Variants in DENND5B observed in about 807,000 individuals in gnomAD.
DENND5B encodes DENN domain-containing protein 5B.
In DENND5B, 34 loss-of-function variants were observed where a neutral mutation model predicts 140.6. The observed-to-expected ratio is 0.24, with a 90% CI of 0.18 to 0.32. The LOEUF (loss-of-function observed/expected upper bound fraction) is 0.32, where lower values mean the gene tolerates loss of function less well. Among genes scored for constraint, DENND5B ranks in the 10% least tolerant of loss-of-function variants. The pLI, the probability that DENND5B is intolerant of heterozygous loss-of-function variation, is 1.00. For missense variants in DENND5B, 1,142 were observed against 1,560.2 expected, an observed-to-expected ratio of 0.73 and a Z score of 4.52; for synonymous variants, 551 against 562.1, an observed-to-expected ratio of 0.98 and a Z score of 0.28.
chr12:31,526,030 G>C (rs1948072308), intron 1 of DENND5B, among the ~76,000 whole-genome samples: 1 of 152,090 alleles, frequency 6.6e-6, no homozygotes, highest in Non-Finnish European at 1.5e-5. Flanking sequence ...AATACTTTAA[G>C]GGCAAGTTTA....
At chr12:31,451,831 CAAT>C in intron 5 of DENND5B, 106 bp downstream of exon 5, 1 of 1,321,404 alleles carries the variant, frequency 7.6e-7, no homozygotes, top group Non-Finnish European at 1.0e-6. Context: ...TTAACAAAAT[CAAT>C]AATATATGGG....
chr12:31,395,037 T>C (rs1332125261), intron 17 of DENND5B, among the ~76,000 whole-genome samples: 1 of 152,242 alleles, frequency 6.6e-6, no homozygotes, highest in African/African-American at 2.4e-5. Context: ...ACTATCTGTT[T>C]ATCCTTTCAC....
intron 14 of DENND5B, among the ~76,000 whole-genome samples, chr12:31,407,428 C>T (rs1027425505): frequency 6.6e-6 from 1 of 152,172 alleles, no homozygotes; most frequent in African/African-American, 2.4e-5. Context: ...CGCGCCCGGC[C>T]CAATTTTAAA....
intron 1 of DENND5B, among the ~76,000 whole-genome samples, chr12:31,529,755 T>A (rs1477402938): frequency 2.6e-5 from 4 of 151,442 alleles, no homozygotes; most frequent in Admixed American, 6.6e-5. Context: ...AAAGAAAACA[T>A]CCTTTAAAAA....
At chr12:31,391,124 G>A (rs572816617) in intron 19 of DENND5B, among the ~76,000 whole-genome samples, 2 of 152,148 alleles carry the variant, frequency 1.3e-5, no homozygotes, top group African/African-American at 4.8e-5. Context: ...TGACCTAGAA[G>A]GCCCTACACA....
chr12:31,441,961 G>A (rs113202212), intron 7 of DENND5B, among the ~76,000 whole-genome samples: 1,724 of 152,304 alleles, frequency 0.011, 19 homozygotes, highest in East Asian at 0.031. Context: ...GAGGTTACAG[G>A]CGTGAGCCAC....
chr12:31,573,735 C>T (rs1677156), intron 1 of DENND5B, among the ~76,000 whole-genome samples: 11,870 of 152,216 alleles, frequency 0.078, 1,057 homozygotes, highest in African/African-American at 0.22. Flanking sequence ...ACCACTTCTA[C>T]TCTAACCACA....
At chr12:31,412,266 T>C (rs1942500127) in intron 13 of DENND5B, among the ~76,000 whole-genome samples, 1 of 150,652 alleles carries the variant, frequency 6.6e-6, no homozygotes. Context: ...GGTTTCTTGA[T>C]AGAGTAAACA....
chr12:31,567,546 A>AG (rs1555174925), intron 1 of DENND5B, among the ~76,000 whole-genome samples: 1 of 149,302 alleles, frequency 6.7e-6, no homozygotes, highest in Non-Finnish European at 1.5e-5. Context: ...AAAAAAAAAA[A>AG]GCATCCTAAT....
chr12:31,395,723 T>C (rs1941407224), intron 17 of DENND5B, among the ~76,000 whole-genome samples: 1 of 152,102 alleles, frequency 6.6e-6, no homozygotes, highest in Non-Finnish European at 1.5e-5. Flanking sequence ...ACTAAGGACC[T>C]ATTAGGTACC....
At chr12:31,460,475 T>C in intron 3 of DENND5B, 94 bp from the exon 4 acceptor site, 1 of 1,248,846 alleles carries the variant, frequency 8.0e-7, no homozygotes, top group Non-Finnish European at 1.1e-6. Context: ...GAAAAAAATT[T>C]CTGCGTTAAA....
chr12:31,577,627 C>T (rs898656895), intron 1 of DENND5B, among the ~76,000 whole-genome samples: 1 of 138,116 alleles, frequency 7.2e-6, no homozygotes, highest in South Asian at 2.4e-4. Flanking sequence ...AGGAGAACGG[C>T]GTGAACCTGG....
chr12:31,521,561 T>A (rs1451973174), intron 1 of DENND5B, among the ~76,000 whole-genome samples: 1 of 152,220 alleles, frequency 6.6e-6, no homozygotes, highest in Non-Finnish European at 1.5e-5. Flanking sequence ...AGTTTCATTT[T>A]TGTTAGTCTG....
chr12:31,546,039 G>A (rs968153954), intron 1 of DENND5B, among the ~76,000 whole-genome samples: 5 of 149,154 alleles, frequency 3.4e-5, no homozygotes, highest in African/African-American at 9.9e-5. Context: ...GAAATACAGT[G>A]AAATATTAAC....
chr12:31,542,035 C>T (rs1183505432), intron 1 of DENND5B, among the ~76,000 whole-genome samples: 3 of 152,172 alleles, frequency 2.0e-5, no homozygotes, highest in Non-Finnish European at 4.4e-5. Flanking sequence ...CGCCTGTAAT[C>T]CCAGCACTTT....
intron 1 of DENND5B, among the ~76,000 whole-genome samples, chr12:31,574,078 G>A (rs760800569): frequency 6.6e-5 from 10 of 151,140 alleles, no homozygotes; most frequent in East Asian, 5.8e-4. Flanking sequence ...TGGACAACAC[G>A]GTGAGATCTT....
intron 6 of DENND5B, among the ~76,000 whole-genome samples, chr12:31,444,678 AG>A (rs1216945928): frequency 2.0e-5 from 3 of 152,254 alleles, no homozygotes; most frequent in African/African-American, 7.2e-5. Context: ...ATTGGTGCTT[AG>A]TTCCATCTAA....
At chr12:31,518,552 G>A (rs1947762228) in intron 1 of DENND5B, among the ~76,000 whole-genome samples, 1 of 148,128 alleles carries the variant, frequency 6.8e-6, no homozygotes, top group South Asian at 2.2e-4. Context: ...TAATCTGTGA[G>A]CTTTGAGGCA....
intron 14 of DENND5B, among the ~76,000 whole-genome samples, chr12:31,408,306 C>A (rs1040190655): frequency 1.3e-5 from 2 of 149,532 alleles, no homozygotes; most frequent in African/African-American, 2.5e-5. Context: ...CTCAAAAAAA[C>A]CAAAAACAAT....
Sources: gnomAD v4.1 joint callset for allele counts (sites outside exome capture counted in the v4.1 genomes callset) on GRCh38, gnomAD v4.1.1 for gene constraint, MANE v1.5 for transcripts, NCBI Gene and HGNC (gene_info 2026-07-23, HGNC 2026-07-21) for gene names.